The following LRMDA variants were observed in gnomAD, a reference collection of about 807,000 sequenced individuals.
The protein encoded by LRMDA is leucine rich melanocyte differentiation associated.
In LRMDA, 18 loss-of-function variants were observed where a neutral mutation model predicts 29.8. The observed-to-expected ratio is 0.60, with a 90% CI of 0.42 to 0.90. LRMDA has a LOEUF of 0.90. Among genes scored for constraint, LRMDA ranks in the 40% least tolerant of loss-of-function variants. LRMDA has a pLI of 0.00. For missense variants in LRMDA, 273 were observed against 273.9 expected, an observed-to-expected ratio of 1.00 and a Z score of 0.02; for synonymous variants, 125 against 109.4, an observed-to-expected ratio of 1.14 and a Z score of -0.89.
At chr10:76,078,327 C>T (rs1364912500) in intron 5 of LRMDA, among the ~76,000 whole-genome samples, 5 of 151,800 alleles carry the variant, frequency 3.3e-5, no homozygotes, top group African/African-American at 7.3e-5. Context: ...CTCTTGAACA[C>T]GTGTTTACAC....
chr10:75,872,300 C>CT (rs200584025), intron 2 of LRMDA, among the ~76,000 whole-genome samples: 2,142 of 145,648 alleles, frequency 0.015, 55 homozygotes, highest in African/African-American at 0.049. Context: ...CTCTCTCTCT[C>CT]TTTTTTTTTT....
intron 2 of LRMDA, among the ~76,000 whole-genome samples, chr10:75,853,237 T>C: frequency 6.6e-6 from 1 of 152,192 alleles, no homozygotes. Context: ...ATTCTTACTT[T>C]TCTCATTTTC....
intron 6 of LRMDA, among the ~76,000 whole-genome samples, chr10:76,331,751 T>C (rs573666963): frequency 7.9e-4 from 121 of 152,322 alleles, no homozygotes; most frequent in South Asian, 2.9e-3. Flanking sequence ...AATGATTTCC[T>C]CTGATGACAT....
chr10:75,792,963 A>G (rs1843594263), intron 2 of LRMDA, among the ~76,000 whole-genome samples: 1 of 152,104 alleles, frequency 6.6e-6, no homozygotes, highest in South Asian at 2.1e-4. Flanking sequence ...GGGTATTTTG[A>G]TAGTTTGGGT....
intron 6 of LRMDA, among the ~76,000 whole-genome samples, chr10:76,386,034 C>T (rs1021782494): frequency 6.6e-6 from 1 of 152,092 alleles, no homozygotes; most frequent in East Asian, 1.9e-4. Flanking sequence ...GGACTTTGAA[C>T]ACTTGATTAG....
intron 6 of LRMDA, among the ~76,000 whole-genome samples, chr10:76,325,494 A>AG (rs375060564): frequency 6.6e-6 from 1 of 152,194 alleles, no homozygotes; most frequent in African/African-American, 2.4e-5. Flanking sequence ...CTATGTTTTG[A>AG]GGGGCATGAA....
chr10:76,371,839 G>T (rs1841458419), intron 6 of LRMDA, among the ~76,000 whole-genome samples: 1 of 152,232 alleles, frequency 6.6e-6, no homozygotes, highest in East Asian at 1.9e-4. Context: ...TTTCTTCTCT[G>T]AAAGCTGTTT....
chr10:75,810,199 C>A (rs1444440810), intron 2 of LRMDA, among the ~76,000 whole-genome samples: 1 of 152,150 alleles, frequency 6.6e-6, no homozygotes, highest in African/African-American at 2.4e-5. Flanking sequence ...GAGGCCAGGG[C>A]AGTAGAGTTG....
At chr10:76,343,521 A>T (rs1312785530) in intron 6 of LRMDA, among the ~76,000 whole-genome samples, 1 of 152,162 alleles carries the variant, frequency 6.6e-6, no homozygotes, top group Non-Finnish European at 1.5e-5. Context: ...TGAAACCCAT[A>T]ATTATATGGA....
chr10:75,637,447 G>A (rs1217765081), intron 2 of LRMDA, among the ~76,000 whole-genome samples: 1 of 152,170 alleles, frequency 6.6e-6, no homozygotes, highest in African/African-American at 2.4e-5. Context: ...AGCAGCAGCA[G>A]ATGAGTAGAG....
In LRMDA at chr10:76,112,238, T is replaced by C. The variant is rs370198660; in HGVS notation, c.516+53455T>C. ...GCCTGGGGGAGCCCCACCGGGCAAC[T>C]TCCCTTCTGCCAGGAGGCTCTGGGT... On this transcript the variant is annotated intron_variant, in intron 5 of 6. Transcript: ENST00000611255. 3.3e-4 allele frequency among the ~76,000 whole-genome samples: 50 copies of C among 152,232 alleles called. No homozygotes were observed. In the East Asian group the frequency reaches 4.9e-3, roughly 15 times the overall value.
chr10:75,907,677 T>G (rs918873853), intron 2 of LRMDA, among the ~76,000 whole-genome samples: 1 of 152,212 alleles, frequency 6.6e-6, no homozygotes, highest in African/African-American at 2.4e-5. Context: ...ACCTCCCATG[T>G]GGTCAACCTG....
chr10:76,450,622 T>C (rs1291808958), intron 6 of LRMDA, among the ~76,000 whole-genome samples: 1 of 152,174 alleles, frequency 6.6e-6, no homozygotes, highest in Non-Finnish European at 1.5e-5. Context: ...TCTTCTATAT[T>C]TTTCCTCGGA....
chr10:75,888,759 G>A (rs1471096703), intron 2 of LRMDA, among the ~76,000 whole-genome samples: 1 of 152,122 alleles, frequency 6.6e-6, no homozygotes, highest in Non-Finnish European at 1.5e-5. Flanking sequence ...TAACATCTGG[G>A]CCATCAACGT....
At chr10:76,267,179 C>G (rs1840016728) in intron 5 of LRMDA, among the ~76,000 whole-genome samples, 5 of 152,040 alleles carry the variant, frequency 3.3e-5, no homozygotes, top group Admixed American at 2.6e-4. Flanking sequence ...CAAGAATATC[C>G]TTAACTTTAT....
chr10:76,189,896 C>CCGCACA (rs1442371378), intron 5 of LRMDA, among the ~76,000 whole-genome samples: 2 of 152,164 alleles, frequency 1.3e-5, no homozygotes, highest in African/African-American at 2.4e-5. Flanking sequence ...AAGATGCGCC[C>CCGCACA]TGCACACAGT....
At chr10:76,449,628 T>C (rs192320617) in intron 6 of LRMDA, among the ~76,000 whole-genome samples, 103 of 152,106 alleles carry the variant, frequency 6.8e-4, no homozygotes, top group African/African-American at 2.5e-3. Context: ...TGTTTAATGC[T>C]TTCTTGCTTT....
At chr10:76,394,061 G>GGATAC (rs1246069972) in intron 6 of LRMDA, among the ~76,000 whole-genome samples, 7 of 152,158 alleles carry the variant, frequency 4.6e-5, no homozygotes, top group Non-Finnish European at 1.0e-4. Flanking sequence ...GAAGAACACA[G>GGATAC]GATACACCCT....
intron 6 of LRMDA, among the ~76,000 whole-genome samples, chr10:76,399,950 T>C (rs560101465): frequency 3.3e-4 from 50 of 152,330 alleles, no homozygotes; most frequent in Middle Eastern, 6.8e-3. Flanking sequence ...CCTTATAATA[T>C]CTGTTATCTG....
Sources: allele counts gnomAD v4.1 joint callset (sites outside exome capture counted in the v4.1 genomes callset), GRCh38; gene constraint gnomAD v4.1.1; transcripts MANE v1.5; gene names NCBI Gene and HGNC (gene_info 2026-07-23, HGNC 2026-07-21).